ITGA1: variants seen among roughly 807,000 people sequenced by gnomAD.
ITGA1 encodes the protein integrin alpha-1.
Under a neutral mutation model 145.9 loss-of-function variants are expected in ITGA1, and 85 were observed. The observed-to-expected ratio is 0.58, with a 90% CI of 0.49 to 0.70. The LOEUF is 0.70. Ranked by LOEUF, ITGA1 falls within the 30% of genes least tolerant of loss-of-function variation. ITGA1 has a pLI of 0.00. For synonymous variants in ITGA1, 520 were observed against 495.3 expected, an observed-to-expected ratio of 1.05 and a Z score of -0.66; for missense variants, 1,351 against 1,418.7, an observed-to-expected ratio of 0.95 and a Z score of 0.77.
chr5:52,945,454 T>C (rs917070634), intron 27 of ITGA1, among the ~76,000 whole-genome samples: 4 of 152,196 alleles, frequency 2.6e-5, no homozygotes, highest in Non-Finnish European at 5.9e-5. Context: ...AACATGTACA[T>C]TTTTTAAAGT....
chr5:52,788,207 C>T lies in ITGA1; in HGVS notation c.-147C>T, dbSNP rs1302335113. The T allele has an allele frequency of 7.6e-6, 4 of 526,196 alleles. No individual in the cohort carries two copies. The highest frequency in any genetic ancestry group is 1.3e-5 in the Non-Finnish European group (4 of 309,054). The allele number at this position is 526,196 out of a possible 1,614,324, so 32.6% of individuals were successfully genotyped here. A position where few individuals can be genotyped will look rare whatever the true frequency, so the allele number is the denominator to read the frequency against. ...GACGAAAACACAGGAAATCACTCCT[C>T]TCCCGCTCCTGGGCGCCGCTGCCAC... On this transcript the variant is annotated 5_prime_UTR_variant, in exon 1 of 29. Transcript: ENST00000282588.
intron 1 of ITGA1, among the ~76,000 whole-genome samples, chr5:52,819,432 G>C (rs1748832069): frequency 6.6e-6 from 1 of 152,132 alleles, no homozygotes; most frequent in Non-Finnish European, 1.5e-5. Context: ...TCTTTTGGCT[G>C]CATAAATGTC....
intron 1 of ITGA1, chr5:52,825,345 G>T (rs1213625014): frequency 6.6e-6 from 1 of 152,166 alleles, no homozygotes; most frequent in East Asian, 1.9e-4. Context: ...GTTTTTCACA[G>T]ATTGAAGGTT....
In ITGA1 at chr5:52,936,815, C is replaced by T. The variant is rs368013687; in HGVS notation, c.2965-586C>T. ...CTGAGATGAAAGTAAATCTGACTCT[C>T]ATAAAACCAGATTATCAACAGCCAG... On this transcript the variant is annotated intron_variant, in intron 23 of 28. Transcript: ENST00000282588. 3.3e-5 allele frequency among the ~76,000 whole-genome samples: 5 copies of T among 152,212 alleles called. No homozygotes were observed. In the East Asian group the frequency reaches 9.7e-4, roughly 29 times the overall value.
chr5:52,838,738 G>T (rs1039990311), intron 1 of ITGA1, among the ~76,000 whole-genome samples: 8 of 152,100 alleles, frequency 5.3e-5, no homozygotes, highest in African/African-American at 1.9e-4. Flanking sequence ...GTCTAGGCAT[G>T]CTTCATTTTT....
chr5:52,845,536 G>A (rs1054119654), intron 1 of ITGA1, among the ~76,000 whole-genome samples: 1 of 152,014 alleles, frequency 6.6e-6, no homozygotes, highest in African/African-American at 2.4e-5. Context: ...GTTGGTTTTC[G>A]GTCATCTTCT....
intron 7 of ITGA1, among the ~76,000 whole-genome samples, chr5:52,882,288 C>A (rs2111805476): frequency 6.6e-6 from 1 of 152,070 alleles, no homozygotes; most frequent in South Asian, 2.1e-4. Context: ...TTTTCATGTT[C>A]TTGGGTACTA....
intron 6 of ITGA1, among the ~76,000 whole-genome samples, chr5:52,869,152 A>G (rs1430600680): frequency 2.0e-5 from 3 of 151,954 alleles, no homozygotes; most frequent in Non-Finnish European, 4.4e-5. Flanking sequence ...AACCCATATG[A>G]TTCTTTTCTG....
intron 1 of ITGA1, among the ~76,000 whole-genome samples, chr5:52,832,545 A>G (rs1400334286): frequency 1.3e-5 from 2 of 152,190 alleles, no homozygotes; most frequent in African/African-American, 4.8e-5. Context: ...ACATATTAGG[A>G]GGTCATAAAT....
chr5:52,922,164 G>A (rs1218563940), intron 17 of ITGA1, among the ~76,000 whole-genome samples: 3 of 148,468 alleles, frequency 2.0e-5, no homozygotes, highest in Non-Finnish European at 3.0e-5. Context: ...AGCTGGGTGT[G>A]GTGGCACATG....
chr5:52,848,572 GTAT>G (rs929820335), intron 1 of ITGA1, among the ~76,000 whole-genome samples: 3 of 151,928 alleles, frequency 2.0e-5, no homozygotes, highest in East Asian at 1.9e-4. Flanking sequence ...ATTTTTTATT[GTAT>G]TATTATTATT....
chr5:52,864,338 T>G (rs1038530171), intron 3 of ITGA1, among the ~76,000 whole-genome samples: 10 of 152,188 alleles, frequency 6.6e-5, no homozygotes, highest in African/African-American at 2.4e-4. Flanking sequence ...AAAACTGGTG[T>G]TTGAGTTTTC....
In ITGA1 at chr5:52,920,369, A is replaced by G; in HGVS notation, c.2193A>G (p.Gln731=). ...QYRVTLDSLR[Q]ISRSFFSGTQ... ...GTGTCACCCTAGATTCACTAAGACA[A>G]ATATCACGAAGTTTTTTCTCTGGAA... The change falls in exon 17 of 29, where the codon CAA becomes CAG. Residue 731 remains glutamine (Q), a synonymous_variant. Coordinates refer to ENST00000282588, the MANE Select transcript of ITGA1 (RefSeq NM_181501.2). 1 of 1,609,806 alleles carries G rather than the reference A, an allele frequency of 6.2e-7. No homozygotes were observed.
chr5:52,823,762 G>T (rs570893390), intron 1 of ITGA1, among the ~76,000 whole-genome samples: 1 of 152,300 alleles, frequency 6.6e-6, no homozygotes, highest in South Asian at 2.1e-4. Context: ...CAAAGGAAAA[G>T]AAAGAATTGG....
chr5:52,870,635 C>T (rs755757271), intron 6 of ITGA1, among the ~76,000 whole-genome samples: 25 of 152,118 alleles, frequency 1.6e-4, no homozygotes, highest in Non-Finnish European at 3.4e-4. Context: ...ACAGGGAAGT[C>T]GGAGCAGAGG....
At chr5:52,790,414 T>A (rs1025467089) in intron 1 of ITGA1, among the ~76,000 whole-genome samples, 1 of 152,192 alleles carries the variant, frequency 6.6e-6, no homozygotes, top group African/African-American at 2.4e-5. Flanking sequence ...ACAACATAAA[T>A]TTACTATTGT....
intron 14 of ITGA1, 129 bp from the exon 15 acceptor site, chr5:52,915,335 A>G: frequency 1.1e-6 from 1 of 888,562 alleles, no homozygotes; most frequent in Non-Finnish European, 1.7e-6. Flanking sequence ...CACATGAGGG[A>G]CCTCTTGGGC....
intron 14 of ITGA1, among the ~76,000 whole-genome samples, chr5:52,915,020 A>T (rs1332508363): frequency 1.3e-5 from 2 of 152,128 alleles, no homozygotes; most frequent in Admixed American, 6.5e-5. Flanking sequence ...TGTTATTTAT[A>T]CCCAGCCACA....
At chr5:52,804,541 TTCTTA>T (rs1260338784) in intron 1 of ITGA1, among the ~76,000 whole-genome samples, 1 of 152,230 alleles carries the variant, frequency 6.6e-6, no homozygotes, top group African/African-American at 2.4e-5. Context: ...AAGCTCATTT[TTCTTA>T]TCTTTACTTA....
Sources: gnomAD v4.1 joint callset for allele counts (sites outside exome capture counted in the v4.1 genomes callset) on GRCh38, gnomAD v4.1.1 for gene constraint, MANE v1.5 for transcripts, NCBI Gene and HGNC (gene_info 2026-07-23, HGNC 2026-07-21) for gene names.